Variants in ZNF577 observed in about 807,000 individuals in gnomAD.
The protein encoded by ZNF577 is zinc finger protein 577.
A neutral mutation model predicts 13.9 loss-of-function variants in ZNF577; 14 were observed. The ratio of observed to expected loss-of-function variants is 1.00; its 90% CI spans 0.66 to 1.57. The LOEUF is 1.57. ZNF577 is among the 40% of genes most tolerant of loss of function. The pLI, the probability that ZNF577 is intolerant of heterozygous loss-of-function variation, is 0.00. For synonymous variants in ZNF577, 203 were observed against 202.9 expected (o/e 1.00, Z 0.00); for missense variants, 555 against 579.2 (o/e 0.96, Z 0.43).
chr19:51,855,161 AAAGTT>A (rs2122575367), intron 5 of ZNF577, among the ~76,000 whole-genome samples: 1 of 152,318 alleles, frequency 6.6e-6, no homozygotes, highest in South Asian at 2.1e-4. Context: ...TAGATCATAT[AAAGTT>A]GTTACTTTGG....
At chr19:51,856,440 G>GA (rs1316299590) in intron 5 of ZNF577, among the ~76,000 whole-genome samples, 2 of 152,072 alleles carry the variant, frequency 1.3e-5, no homozygotes, top group Non-Finnish European at 2.9e-5. Flanking sequence ...GTATCTCAAA[G>GA]AAAAAATACA....
At position 51,873,223 on chromosome 19, in the gene ZNF577, C is replaced by T. The variant is rs142666241; in HGVS notation, c.767G>A (p.Arg256Gln). The T allele has an allele frequency of 1.1e-4, 185 of 1,613,696 alleles. 2 individuals are homozygous for T. In the Admixed American group the frequency reaches 1.6e-3, roughly 14 times the overall value. ...KCGKAFSRKCRLNRHQRSHTG... is the reference protein window; with the variant it reads ...KCGKAFSRKCQLNRHQRSHTG... ...ATGTGATCGCTGATGTCTATTGAGC[C>T]GGCACTTCCGGCTGAAGGCTTTTCC... Residue 256 changes from arginine to glutamine, a missense_variant, in exon 6 of 6, where the codon CGG (arginine) becomes CAG (glutamine). By Grantham distance (43) the Arg-to-Gln change is conservative. Coordinates refer to ENST00000638348, the MANE Select transcript of ZNF577 (RefSeq NM_001370449.1).
chr19:51,878,242 C>T (rs12151287), intron 4 of ZNF577, 147 bp downstream of exon 4: 194,158 of 842,434 alleles, frequency 0.23, 24,469 homozygotes, highest in South Asian at 0.46. Flanking sequence ...ATGGTTAAGA[C>T]GGTAAATTTT....
chr19:51,815,123 TAGTG>T (rs2084125812), intron 9 of ZNF577, among the ~76,000 whole-genome samples: 1 of 152,090 alleles, frequency 6.6e-6, no homozygotes, highest in African/African-American at 2.4e-5. Flanking sequence ...CATTTTATGT[TAGTG>T]AGGTTATTTA....
intron 9 of ZNF577, among the ~76,000 whole-genome samples, chr19:51,818,051 G>A (rs902457921): frequency 2.0e-5 from 3 of 147,814 alleles, no homozygotes; most frequent in East Asian, 2.0e-4. Context: ...ATGAGTTCAC[G>A]TCCTTTTTAG....
At chr19:51,815,380 T>A (rs894667415) in intron 9 of ZNF577, among the ~76,000 whole-genome samples, 1 of 151,984 alleles carries the variant, frequency 6.6e-6, no homozygotes. Context: ...GCCAACATGA[T>A]GAAACTCTAT....
At chr19:51,807,976 C>G (rs1417514162) in intron 10 of ZNF577, among the ~76,000 whole-genome samples, 1 of 152,190 alleles carries the variant, frequency 6.6e-6, no homozygotes, top group Non-Finnish European at 1.5e-5. Context: ...ACAGACTAGT[C>G]TATAAACTGG....
intron 3 of ZNF577, 110 bp from the exon 4 acceptor site, chr19:51,878,625 T>G: frequency 7.3e-7 from 1 of 1,373,330 alleles, no homozygotes; most frequent in Non-Finnish European, 1.0e-6. Context: ...ATGCACACCA[T>G]GGCTATTTCA....
chr19:51,837,520 A>G (rs544966650), intron 9 of ZNF577, among the ~76,000 whole-genome samples: 4 of 152,356 alleles, frequency 2.6e-5, no homozygotes, highest in African/African-American at 9.6e-5. Flanking sequence ...TACAGGATCC[A>G]TCCCAAAAGA....
chr19:51,851,202 G>T (rs1418429853), intron 5 of ZNF577, among the ~76,000 whole-genome samples: 1 of 152,108 alleles, frequency 6.6e-6, no homozygotes. Context: ...CAGTCATTTT[G>T]CCAGGCATTT....
At chr19:51,849,438 C>G (rs1259037238) in intron 5 of ZNF577, among the ~76,000 whole-genome samples, 1 of 152,106 alleles carries the variant, frequency 6.6e-6, no homozygotes, top group Non-Finnish European at 1.5e-5. Flanking sequence ...GAGAATTCTA[C>G]TTTCATACCA....
At chr19:51,879,763 G>A (rs2084831461) in intron 3 of ZNF577, among the ~76,000 whole-genome samples, 1 of 152,128 alleles carries the variant, frequency 6.6e-6, no homozygotes, top group Non-Finnish European at 1.5e-5. Flanking sequence ...AAGGGTGAAA[G>A]GAGATACTGT....
At chr19:51,860,909 A>G (rs1388977245) in intron 5 of ZNF577, 3 of 407,368 alleles carry the variant, frequency 7.4e-6, no homozygotes, top group East Asian at 9.7e-5. Context: ...TTTACCTGCA[A>G]TGAGGTGTGA....
At chr19:51,834,348 T>C (rs1025038557) in intron 9 of ZNF577, among the ~76,000 whole-genome samples, 2 of 152,174 alleles carry the variant, frequency 1.3e-5, no homozygotes, top group East Asian at 3.9e-4. Flanking sequence ...TCAAGTAACC[T>C]AACTGACATT....
intron 5 of ZNF577, among the ~76,000 whole-genome samples, chr19:51,876,172 T>A (rs1358002063): frequency 6.6e-6 from 1 of 152,152 alleles, no homozygotes; most frequent in African/African-American, 2.4e-5. Flanking sequence ...AAAGGAGATA[T>A]CTGCATGAAG....
At chr19:51,810,256 C>G (rs997002177) in intron 10 of ZNF577, among the ~76,000 whole-genome samples, 2 of 152,162 alleles carry the variant, frequency 1.3e-5, no homozygotes, top group Non-Finnish European at 2.9e-5. Context: ...GAAAACTTCC[C>G]AAGTTTTTTA....
intron 10 of ZNF577, among the ~76,000 whole-genome samples, chr19:51,806,953 T>G (rs2084063131): frequency 6.6e-6 from 1 of 152,226 alleles, no homozygotes. Flanking sequence ...ATACCTAACA[T>G]CGGGCGTAGC....
At chr19:51,854,516 T>A (rs981710510) in intron 5 of ZNF577, among the ~76,000 whole-genome samples, 2 of 149,454 alleles carry the variant, frequency 1.3e-5, no homozygotes, top group African/African-American at 5.0e-5. Flanking sequence ...TTTTTTTTTT[T>A]AGAGATGGGG....
chr19:51,818,170 T>C (rs1031503865), intron 9 of ZNF577, among the ~76,000 whole-genome samples: 9 of 152,198 alleles, frequency 5.9e-5, no homozygotes, highest in Non-Finnish European at 1.3e-4. Flanking sequence ...GTGCTATAAA[T>C]ATAAAATGCA....
Sources: allele counts gnomAD v4.1 joint callset (sites outside exome capture counted in the v4.1 genomes callset), GRCh38; gene constraint gnomAD v4.1.1; transcripts MANE v1.5; gene names NCBI Gene and HGNC (gene_info 2026-07-23, HGNC 2026-07-21).